Variants in RPA3 observed in about 807,000 individuals in gnomAD.
RPA3 encodes the protein replication protein A 14 kDa subunit.
RPA3 carries 24 observed loss-of-function variants against 13.7 expected under a neutral mutation model. The observed-to-expected ratio is 1.75, with a 90% CI of 1.27 to 2.46. RPA3 has a LOEUF of 2.46. Among genes scored for constraint, RPA3 ranks in the 30% most tolerant of loss-of-function variants. RPA3 has a pLI of 0.00. For missense variants in RPA3, 183 were observed against 151.0 expected (o/e 1.21, Z -1.11); for synonymous variants, 59 against 51.2 (o/e 1.15, Z -0.65).
chr7:7,718,090 C>T (rs866047984), intron 1 of RPA3, among the ~76,000 whole-genome samples: 2 of 152,112 alleles, frequency 1.3e-5, no homozygotes, highest in African/African-American at 4.8e-5. Context: ...TTATTAACTT[C>T]ACATTGTTGT....
intron 4 of RPA3, among the ~76,000 whole-genome samples, chr7:7,666,352 C>T (rs539413285): frequency 1.4e-4 from 22 of 152,056 alleles, no homozygotes; most frequent in East Asian, 3.9e-4. Context: ...CTCAGGCACA[C>T]GCCACCACAC....
At chr7:7,693,372 A>G (rs1174531666) in intron 2 of RPA3, among the ~76,000 whole-genome samples, 2 of 152,000 alleles carry the variant, frequency 1.3e-5, no homozygotes, top group Non-Finnish European at 1.5e-5. Context: ...AATGTATAAT[A>G]TAGGAAAATC....
At chr7:7,641,895 T>C (rs1784981988) in intron 4 of RPA3, among the ~76,000 whole-genome samples, 1 of 152,352 alleles carries the variant, frequency 6.6e-6, no homozygotes, top group African/African-American at 2.4e-5. Flanking sequence ...ATAGTCTCCC[T>C]TAGTGTTTCC....
In RPA3 at chr7:7,638,032, T is replaced by C; in HGVS notation, c.175-60A>G. On this transcript the variant is annotated intron_variant, in intron 6 of 7. Transcript: ENST00000223129. ...TCACATTTTCAGTTGACAATTATTT[T>C]GGAAAACTGTTATACAGGTTACTAA... is the stretch of plus-strand genomic sequence containing the variant. The C allele has an allele frequency of 4.6e-6, 6 of 1,304,044 alleles. No homozygotes were observed. The South Asian group carries it at 7.2e-5, about 16-fold the overall frequency. The allele number at this position is 1,304,044 out of a possible 1,614,324, so 80.8% of individuals were successfully genotyped here. A position where few individuals can be genotyped will look rare whatever the true frequency, so the allele number is the denominator to read the frequency against.
At chr7:7,665,256 C>T (rs1055089500) in intron 4 of RPA3, among the ~76,000 whole-genome samples, 3 of 152,186 alleles carry the variant, frequency 2.0e-5, no homozygotes, top group African/African-American at 4.8e-5. Flanking sequence ...CTAGTGCTCT[C>T]CTACCTCTAT....
intron 4 of RPA3, among the ~76,000 whole-genome samples, chr7:7,677,518 G>A (rs1455073223): frequency 1.3e-5 from 2 of 151,986 alleles, no homozygotes; most frequent in Admixed American, 6.6e-5. Context: ...TTGTCTTTTT[G>A]TGCCTGCTTT....
At chr7:7,688,037 C>A (rs554594857) in intron 2 of RPA3, among the ~76,000 whole-genome samples, 13 of 152,212 alleles carry the variant, frequency 8.5e-5, no homozygotes, top group African/African-American at 3.1e-4. Context: ...GTCCCTGTTG[C>A]TGTTGCTATG....
chr7:7,674,826 G>A (rs1430087099), intron 4 of RPA3, among the ~76,000 whole-genome samples: 3 of 152,054 alleles, frequency 2.0e-5, no homozygotes, highest in Non-Finnish European at 4.4e-5. Flanking sequence ...AACTTCAGGG[G>A]TACATCAGGC....
At chr7:7,678,632 T>C (rs1332037810) in intron 4 of RPA3, among the ~76,000 whole-genome samples, 8 of 131,706 alleles carry the variant, frequency 6.1e-5, no homozygotes, top group Non-Finnish European at 1.2e-4. Context: ...TATACTTAAT[T>C]TATAGATAAA....
At chr7:7,651,962 C>G (rs181195815) in intron 4 of RPA3, among the ~76,000 whole-genome samples, 13 of 152,304 alleles carry the variant, frequency 8.5e-5, no homozygotes, top group African/African-American at 2.9e-4. Context: ...TGACTCCTCC[C>G]TCTCTCCCCT....
At chr7:7,642,887 T>C (rs1027580874) in intron 4 of RPA3, among the ~76,000 whole-genome samples, 1 of 152,224 alleles carries the variant, frequency 6.6e-6, no homozygotes, top group African/African-American at 2.4e-5. Context: ...ATGCAGGCGT[T>C]GCTAAATGGT....
chr7:7,656,086 C>T (rs558537665), intron 4 of RPA3, among the ~76,000 whole-genome samples: 233 of 152,210 alleles, frequency 1.5e-3, no homozygotes, highest in Non-Finnish European at 2.9e-3. Context: ...CCGCCTGCCT[C>T]TGCCTCCCAA....
intron 2 of RPA3, among the ~76,000 whole-genome samples, chr7:7,699,066 C>G (rs189270251): frequency 6.6e-6 from 1 of 150,474 alleles, no homozygotes; most frequent in East Asian, 2.0e-4. Context: ...GGGGTAGATA[C>G]CAGGTTTGCT....
chr7:7,673,639 G>A (rs1018495819), intron 4 of RPA3, among the ~76,000 whole-genome samples: 11 of 152,026 alleles, frequency 7.2e-5, no homozygotes, highest in Non-Finnish European at 1.5e-4. Context: ...GTCATCAAGT[G>A]AGACTTTTCT....
At chr7:7,656,355 T>C (rs1302231548) in intron 4 of RPA3, among the ~76,000 whole-genome samples, 1 of 152,116 alleles carries the variant, frequency 6.6e-6, no homozygotes, top group Non-Finnish European at 1.5e-5. Flanking sequence ...CTGGAGTACA[T>C]GTACAGAACG....
chr7:7,640,602 G>A lies in RPA3; in HGVS notation c.-184C>T. 3.3e-6 allele frequency: 2 copies of A among 612,082 alleles called. No individual in the cohort carries two copies. The highest frequency in any genetic ancestry group is 1.9e-5 in the South Asian group (1 of 52,664). 37.9% of individuals were successfully genotyped at this position (612,082 alleles called of 1,614,324 possible). A position where few individuals can be genotyped will look rare whatever the true frequency, so the allele number is the denominator to read the frequency against. Reference sequence around the variant, plus strand: ...TGTCTCTGAAAGGGGTGGAGAAGGGGCTGGATGAGTCCGGAAGTGGAGATT... The same window carrying A: ...TGTCTCTGAAAGGGGTGGAGAAGGGACTGGATGAGTCCGGAAGTGGAGATT... On this transcript the variant is annotated 5_prime_UTR_variant, in exon 5 of 8. Transcript: ENST00000223129.
chr7:7,712,730 A>G lies in RPA3; in HGVS notation c.-1028+2445T>C, dbSNP rs114536294. 1.9e-3 allele frequency among the ~76,000 whole-genome samples: 288 copies of G among 152,294 alleles called. 3 individuals carry two copies. The highest frequency in any genetic ancestry group is 6.8e-3 in the African/African-American group (282 of 41,566). ...ATGTTGAAGAGAAGTGTCAAAGAAA[A>G]CATCTTTTCCCCACTTTTGATTGTA... On this transcript the variant is annotated intron_variant, in intron 2 of 7. Transcript: ENST00000223129.
intron 2 of RPA3, among the ~76,000 whole-genome samples, chr7:7,714,684 C>T (rs1271521139): frequency 6.6e-6 from 1 of 152,010 alleles, no homozygotes; most frequent in Non-Finnish European, 1.5e-5. Context: ...CTTAGAACTC[C>T]ATCAGGTGTC....
chr7:7,680,229 G>GAT (rs1779875166), intron 4 of RPA3, among the ~76,000 whole-genome samples: 1 of 152,104 alleles, frequency 6.6e-6, no homozygotes, highest in Admixed American at 6.6e-5. Flanking sequence ...TGTGGCGAGA[G>GAT]ATAGGGGTCT....
Sources: allele counts gnomAD v4.1 joint callset (sites outside exome capture counted in the v4.1 genomes callset), GRCh38; gene constraint gnomAD v4.1.1; transcripts MANE v1.5; gene names NCBI Gene and HGNC (gene_info 2026-07-23, HGNC 2026-07-21).